RUBCN: variants seen among roughly 807,000 people sequenced by gnomAD.
RUBCN encodes the protein rubicon autophagy regulator.
A neutral mutation model predicts 113.2 loss-of-function variants in RUBCN; 74 were observed. The observed-to-expected ratio is 0.65, with a 90% confidence interval of 0.54 to 0.79. The LOEUF is 0.79. RUBCN is among the 30% of genes least tolerant of loss of function. The pLI, the probability that RUBCN is intolerant of heterozygous loss-of-function variation, is 0.00. For synonymous variants in RUBCN, 480 were observed against 490.0 expected (o/e 0.98, Z 0.27); for missense variants, 1,109 against 1,251.7 (o/e 0.89, Z 1.72).
At chr3:197,702,589 G>C (rs891710449) in intron 5 of RUBCN, among the ~76,000 whole-genome samples, 8 of 152,150 alleles carry the variant, frequency 5.3e-5, no homozygotes, top group Non-Finnish European at 8.8e-5. Context: ...CTTGAACCCG[G>C]GAGGCGGAGG....
chr3:197,734,101 C>G (rs766603560), intron 1 of RUBCN, among the ~76,000 whole-genome samples: 1 of 151,256 alleles, frequency 6.6e-6, no homozygotes, highest in Non-Finnish European at 1.5e-5. Context: ...ACTAAAAATA[C>G]AAAAAATTAG....
chr3:197,676,172 G>A (rs1720389707), intron 18 of RUBCN: 1 of 989,332 alleles, frequency 1.0e-6, no homozygotes, highest in Non-Finnish European at 1.2e-6. Flanking sequence ...TGAGAAGAAA[G>A]TAAATTATTC....
chr3:197,684,059 C>G (rs1721558414), intron 12 of RUBCN, 98 bp downstream of exon 12: 1 of 955,858 alleles, frequency 1.0e-6, no homozygotes, highest in East Asian at 2.4e-5. Flanking sequence ...CCTCTTACAT[C>G]TGGATGGCTT....
At chr3:197,701,194 C>A (rs779620450) in intron 6 of RUBCN, 48 bp from the exon 7 acceptor site, 280 of 1,454,622 alleles carry the variant, frequency 1.9e-4, no homozygotes, top group Non-Finnish European at 2.4e-4. Flanking sequence ...GAGGTGGAAT[C>A]CTGCAGTATG....
In RUBCN at chr3:197,693,698, A is replaced by G. The variant is rs1722683568; in HGVS notation, c.1786+17T>C. ...AACAGAATAAAAGTTCCCTTGTAACAAAGTGTCACTTCTTACCTTGGATTT... is the reference window on the plus strand; with the variant it reads ...AACAGAATAAAAGTTCCCTTGTAACGAAGTGTCACTTCTTACCTTGGATTT... On this transcript the variant is annotated intron_variant, in intron 11 of 19. Transcript: ENST00000296343. The G allele has an allele frequency of 6.5e-7, 1 of 1,535,058 alleles. No individual in the cohort carries two copies.
chr3:197,749,797 T>C (rs1372909281), upstream of RUBCN: 1 of 476,428 alleles, frequency 2.1e-6, no homozygotes, highest in Non-Finnish European at 3.7e-6. Flanking sequence ...GGGGCCGCTC[T>C]GGTCGCCCGC....
intron 11 of RUBCN, among the ~76,000 whole-genome samples, chr3:197,688,073 C>G (rs1255992995): frequency 1.3e-5 from 2 of 152,234 alleles, no homozygotes; most frequent in African/African-American, 4.8e-5. Context: ...GTCACCCAGG[C>G]TGGAGTGCAG....
Position 197,672,998 on chromosome 3 carries a change from G to A in RUBCN, c.*2020C>T, listed in dbSNP as rs1205456288. On this transcript the variant is annotated 3_prime_UTR_variant, in exon 20 of 20. Transcript: ENST00000296343. ...GAGCCACTGTGCCTGGCCTGGATGT[G>A]TAATTTAAACCAAAACTGGAAGTAG... 6.6e-6 allele frequency: 1 copy of A among 152,296 alleles called. No homozygotes were observed. The highest frequency in any genetic ancestry group is 2.4e-5 in the African/African-American group (1 of 41,442). The allele number at this position is 152,296 out of a possible 1,614,324, so 9.4% of individuals were successfully genotyped here. A position where few individuals can be genotyped will look rare whatever the true frequency, so the allele number is the denominator to read the frequency against.
intron 18 of RUBCN, chr3:197,676,574 A>G (rs1720455742): frequency 8.2e-7 from 1 of 1,225,846 alleles, no homozygotes; most frequent in African/African-American, 1.6e-5. Context: ...CGGCCTCCCA[A>G]ATTGCTGGGA....
chr3:197,744,174 C>G (rs74832164), intron 1 of RUBCN, among the ~76,000 whole-genome samples: 1 of 151,722 alleles, frequency 6.6e-6, no homozygotes, highest in African/African-American at 2.4e-5. Flanking sequence ...AAGAAACAGA[C>G]AAATGAATTA....
intron 2 of RUBCN, among the ~76,000 whole-genome samples, chr3:197,710,765 G>GA (rs1032219091): frequency 2.0e-5 from 3 of 150,602 alleles, no homozygotes; most frequent in African/African-American, 7.3e-5. Context: ...AGTTCACAGG[G>GA]AAAAAAATTC....
intron 2 of RUBCN, among the ~76,000 whole-genome samples, chr3:197,713,853 T>C (rs1030559926): frequency 1.3e-5 from 2 of 151,786 alleles, no homozygotes; most frequent in Non-Finnish European, 2.9e-5. Flanking sequence ...GGTGGGCGAA[T>C]CATGAGCTCA....
At chr3:197,712,341 AT>A in intron 2 of RUBCN, among the ~76,000 whole-genome samples, 1 of 152,302 alleles carries the variant, frequency 6.6e-6, no homozygotes, top group East Asian at 1.9e-4. Flanking sequence ...CCCTGAGTGA[AT>A]TTTTAAAAAT....
At position 197,682,361 on chromosome 3, in the gene RUBCN, C is replaced by T. The variant is rs914497338; in HGVS notation, c.2126+109G>A. ...CCCCTCTGCCTTTAAATGAAGAGAA[C>T]GGTGTGGGAAGGACAGCTGGAGGCA... On this transcript the variant is annotated intron_variant, in intron 14 of 19. Coordinates refer to ENST00000296343, the MANE Select transcript of RUBCN (RefSeq NM_014687.4). 67 of 1,292,494 alleles carry T rather than the reference C, an allele frequency of 5.2e-5. No individual in the cohort carries two copies. The East Asian group carries it at 6.1e-4, about 12-fold the overall frequency. 80.1% of individuals were successfully genotyped at this position (1,292,494 alleles called of 1,614,324 possible). A position where few individuals can be genotyped will look rare whatever the true frequency, so the allele number is the denominator to read the frequency against.
intron 1 of RUBCN, 25 bp downstream of exon 1, chr3:197,736,630 G>T: frequency 6.5e-7 from 1 of 1,531,924 alleles, no homozygotes; most frequent in South Asian, 1.2e-5. Context: ...TCGCTGCCCC[G>T]ACTCCGCGGC....
chr3:197,681,430 G>A lies in RUBCN; in HGVS notation c.2192-63C>T. On this transcript the variant is annotated intron_variant, in intron 15 of 19. Transcript: ENST00000296343. This position sits in a 1 kb window ranked among gnomAD's most constrained non-coding sequence, Gnocchi z 5.5. ...TTCCCATCTACAAGCTGGGAAGGCA[G>A]CTCTGCTTTTCCCTTGAAAGGGCAG... 7.7e-7 allele frequency: 1 copy of A among 1,294,516 alleles called. No individual in the cohort carries two copies. Among genetic ancestry groups the A allele is most frequent in the Non-Finnish European group, 1.1e-6 (1 of 893,580 alleles). The allele number at this position is 1,294,516 out of a possible 1,614,324, so 80.2% of individuals were successfully genotyped here.
At position 197,674,816 on chromosome 3, in the gene RUBCN, A is replaced by G; in HGVS notation, c.*202T>C. 1.8e-6 allele frequency: 1 copy of G among 543,680 alleles called. No individual in the cohort carries two copies. Among genetic ancestry groups the G allele is most frequent in the South Asian group, 2.6e-5 (1 of 37,958 alleles). 33.7% of individuals were successfully genotyped at this position (543,680 alleles called of 1,614,324 possible). A position where few individuals can be genotyped will look rare whatever the true frequency, so the allele number is the denominator to read the frequency against. On this transcript the variant is annotated 3_prime_UTR_variant, in exon 20 of 20. Coordinates refer to ENST00000296343, the MANE Select transcript of RUBCN (RefSeq NM_014687.4). Reference sequence around the variant, plus strand: ...ACCTGGTGTTTACAAATTATCTGTCACCACAGACTCTGGACCCATCAACCT... The same window carrying G: ...ACCTGGTGTTTACAAATTATCTGTCGCCACAGACTCTGGACCCATCAACCT...
chr3:197,732,088 G>A (rs1206501402), intron 1 of RUBCN, among the ~76,000 whole-genome samples: 1 of 152,204 alleles, frequency 6.6e-6, no homozygotes, highest in Non-Finnish European at 1.5e-5. Flanking sequence ...TTGGTCAGTG[G>A]AATAAGCTTA....
chr3:197,696,836 C>A, intron 8 of RUBCN, 118 bp downstream of exon 8: 1 of 692,650 alleles, frequency 1.4e-6, no homozygotes, highest in East Asian at 2.9e-5. Flanking sequence ...GTGACTGAGA[C>A]TGTAACAGTG....
Sources: allele counts gnomAD v4.1 joint callset (sites outside exome capture counted in the v4.1 genomes callset), GRCh38; gene constraint gnomAD v4.1.1; non-coding constraint Gnocchi (gnomAD v3.1); transcripts MANE v1.5; gene names NCBI Gene and HGNC (gene_info 2026-07-23, HGNC 2026-07-21).